WDR4: variants seen among roughly 807,000 people sequenced by gnomAD.
WDR4 encodes the protein tRNA (guanine-N(7)-)-methyltransferase non-catalytic subunit WDR4.
WDR4 carries 47 observed loss-of-function variants against 48.6 expected under a neutral mutation model. The ratio of observed to expected loss-of-function variants is 0.97; its 90% confidence interval spans 0.77 to 1.23. The LOEUF is 1.23. Ranked by LOEUF, WDR4 falls within the 50% of genes most tolerant of loss-of-function variation. The pLI is 0.00. For synonymous variants in WDR4, 268 were observed against 230.0 expected (o/e 1.17, Z -1.49); for missense variants, 606 against 551.6 (o/e 1.10, Z -0.99).
chr21:42,891,407 C>T, the WDR4 span, among the ~76,000 whole-genome samples: 90,988 of 151,504 alleles, frequency 0.6, 28,092 homozygotes, highest in African/African-American at 0.71. Context: ...CCGGTGACCA[C>T]GCCAGAGGAG....
At chr21:42,863,930 AC>A (rs147379596) in intron 3 of WDR4, among the ~76,000 whole-genome samples, 8,996 of 76,586 alleles carry the variant, frequency 0.12, 703 homozygotes, top group African/African-American at 0.18. Flanking sequence ...CACGGTGAAA[AC>A]CCCGTCTCTA....
chr21:42,852,685 G>A (rs1264934013), intron 9 of WDR4, among the ~76,000 whole-genome samples: 2 of 152,198 alleles, frequency 1.3e-5, no homozygotes, highest in Admixed American at 6.5e-5. Context: ...GGAGGCCAAG[G>A]CGGGCGGATC....
rs112511017 is a variant in WDR4 at position 42,865,068 on chromosome 21, G to T, written c.297-1472C>A. ...TGAGGCCCCTATGTTTCTCTCAGGG[G>T]CAGAGGGACTAAAAGACAGAAAAGG... On this transcript the variant is annotated intron_variant, in intron 3 of 10. Coordinates refer to ENST00000398208, the MANE Select transcript of WDR4 (RefSeq NM_018669.6). 5.8e-3 allele frequency among the ~76,000 whole-genome samples: 888 copies of T among 152,284 alleles called. 8 individuals carry two copies. Among genetic ancestry groups the T allele is most frequent in the African/African-American group, 0.02 (813 of 41,546 alleles).
intron 3 of WDR4, among the ~76,000 whole-genome samples, chr21:42,864,990 C>T (rs1009154135): frequency 5.3e-5 from 8 of 152,196 alleles, no homozygotes; most frequent in African/African-American, 1.9e-4. Flanking sequence ...ACAGGGCGCC[C>T]GGCCCACTGC....
At chr21:42,881,000 AG>A (rs2058604768), upstream of WDR4, among the ~76,000 whole-genome samples, 2 of 150,728 alleles carry the variant, frequency 1.3e-5, no homozygotes, top group African/African-American at 4.9e-5. Context: ...CCACCTCCCG[AG>A]TTCACGCCAT....
chr21:42,881,423 C>G (rs552889346), upstream of WDR4, among the ~76,000 whole-genome samples: 20 of 152,206 alleles, frequency 1.3e-4, no homozygotes, highest in African/African-American at 4.1e-4. Flanking sequence ...TTGTTTTTAA[C>G]CACACTCTTT....
chr21:42,853,537 G>A (rs1455680753), intron 9 of WDR4, 32 bp downstream of exon 9: 2 of 1,593,110 alleles, frequency 1.3e-6, no homozygotes, highest in African/African-American at 1.3e-5. Flanking sequence ...GAAAGGCAGG[G>A]CATAGGACAT....
At position 42,870,530 on chromosome 21, in the gene WDR4, G is replaced by A. The variant is rs149160278; in HGVS notation, c.296+3021C>T. On this transcript the variant is annotated intron_variant, in intron 3 of 10. Transcript: ENST00000398208. ...AGGCCAGGCGCAGTGGCTCACTCCT[G>A]TAATCCTAGCACTTTGGGGGACTGA... 2.5e-3 allele frequency among the ~76,000 whole-genome samples: 374 copies of A among 152,206 alleles called. 2 individuals carry two copies. The highest frequency in any genetic ancestry group is 8.3e-3 in the African/African-American group (343 of 41,520).
the WDR4 span, among the ~76,000 whole-genome samples, chr21:42,888,253 A>G: frequency 6.6e-6 from 1 of 152,222 alleles, no homozygotes; most frequent in African/African-American, 2.4e-5. Flanking sequence ...AGATATAGAT[A>G]TAAGTATCTA....
intron 1 of WDR4, chr21:42,879,192 G>A (rs1373654995): frequency 3.7e-6 from 5 of 1,337,442 alleles, no homozygotes; most frequent in Non-Finnish European, 4.8e-6. Flanking sequence ...CGGAGCCGGG[G>A]AGCGGACGCC....
Position 42,879,479 on chromosome 21 carries a change from C to G in WDR4, c.17G>C (p.Gly6Ala), listed in dbSNP as rs755803131. ...CAACGTCTGCCCGCACAACGCCAGT[C>G]CCACAGAGCCCGCCATGTACCCGCC... MAGSV[G>A]LALCGQTLVV... Residue 6 changes from glycine (G) to alanine (A), a missense_variant, in exon 1 of 11, where the codon GGA (glycine) becomes GCA (alanine). Transcript: ENST00000398208. The G allele has an allele frequency of 3.1e-6, 5 of 1,613,630 alleles. No individual in the cohort carries two copies. Among genetic ancestry groups the G allele is most frequent in the Non-Finnish European group, 4.2e-6 (5 of 1,179,910 alleles).
At chr21:42,863,650 C>A in intron 3 of WDR4, 54 bp from the exon 4 acceptor site, 1 of 1,558,700 alleles carries the variant, frequency 6.4e-7, no homozygotes, top group South Asian at 1.2e-5. Context: ...GCAGGGTCCT[C>A]GACAGCCTGG....
chr21:42,867,292 G>A (rs1042764631), intron 3 of WDR4, among the ~76,000 whole-genome samples: 1 of 151,694 alleles, frequency 6.6e-6, no homozygotes, highest in Admixed American at 6.6e-5. Context: ...TCAGGAGGCT[G>A]AGGCAGGAGA....
upstream of WDR4, chr21:42,879,616 C>T (rs920551853): frequency 6.3e-6 from 8 of 1,260,892 alleles, no homozygotes; most frequent in Non-Finnish European, 8.8e-6. Flanking sequence ...ACCGCGCATG[C>T]TCAAGGACGA....
upstream of WDR4, chr21:42,879,976 A>C (rs1177206526): frequency 7.6e-6 from 3 of 392,808 alleles, no homozygotes; most frequent in East Asian, 1.1e-4. Flanking sequence ...CTAAAAGTAC[A>C]AAAATTTGTT....
intron 6 of WDR4, among the ~76,000 whole-genome samples, chr21:42,856,078 G>A (rs571726199): frequency 6.6e-6 from 1 of 152,356 alleles, no homozygotes; most frequent in South Asian, 2.1e-4. Context: ...TAGATGGCCA[G>A]GTTGTCATCC....
At chr21:42,861,972 C>A (rs944095980) in intron 5 of WDR4, among the ~76,000 whole-genome samples, 3 of 152,184 alleles carry the variant, frequency 2.0e-5, no homozygotes, top group African/African-American at 7.2e-5. Context: ...CACCAGCGAA[C>A]AACTCCCGGG....
At chr21:42,856,442 G>C (rs557685409) in intron 6 of WDR4, among the ~76,000 whole-genome samples, 2 of 151,886 alleles carry the variant, frequency 1.3e-5, no homozygotes, top group Non-Finnish European at 2.9e-5. Context: ...ACTGCCCACT[G>C]CACTGCAGTG....
At chr21:42,864,819 A>G (rs1453727173) in intron 3 of WDR4, among the ~76,000 whole-genome samples, 1 of 152,164 alleles carries the variant, frequency 6.6e-6, no homozygotes, top group African/African-American at 2.4e-5. Flanking sequence ...GCAGGGACCC[A>G]TATGTTCTAT....
Sources: allele counts gnomAD v4.1 joint callset (sites outside exome capture counted in the v4.1 genomes callset), GRCh38; gene constraint gnomAD v4.1.1; transcripts MANE v1.5; gene names NCBI Gene and HGNC (gene_info 2026-07-23, HGNC 2026-07-21).